The following BRINP1 variants were observed in gnomAD, a reference collection of about 807,000 sequenced individuals.
BRINP1 encodes the protein BMP/retinoic acid inducible neural specific 1, also known as BMP/retinoic acid-inducible neural-specific protein 1.
In BRINP1, 17 loss-of-function variants were observed where a neutral mutation model predicts 72.9. That is an observed-to-expected ratio of 0.23 (90% CI 0.16 to 0.35). The LOEUF (loss-of-function observed/expected upper bound fraction) is 0.35, where lower values mean the gene tolerates loss of function less well. Among genes scored for constraint, BRINP1 ranks in the 10% least tolerant of loss-of-function variants. The probability of loss-of-function intolerance (pLI) is 1.00; values close to 1 mark genes in which losing one functional copy is unlikely to be tolerated. For synonymous variants in BRINP1, 418 were observed against 378.5 expected (o/e 1.10, Z -1.21); for missense variants, 850 against 1,001.6 (o/e 0.85, Z 2.04).
At chr9:119,345,796 C>G (rs1280209657) in intron 1 of BRINP1, among the ~76,000 whole-genome samples, 1 of 152,210 alleles carries the variant, frequency 6.6e-6, no homozygotes, top group Non-Finnish European at 1.5e-5. Context: ...TGAGAGTTAA[C>G]AACCACTGAG....
At chr9:119,247,860 T>C (rs1830340225) in intron 3 of BRINP1, among the ~76,000 whole-genome samples, 1 of 152,176 alleles carries the variant, frequency 6.6e-6, no homozygotes, top group Admixed American at 6.5e-5. Context: ...CAATGTACAA[T>C]GTCTGCTATA....
intron 5 of BRINP1, among the ~76,000 whole-genome samples, chr9:119,232,002 T>A (rs1830152642): frequency 6.6e-6 from 1 of 152,158 alleles, no homozygotes; most frequent in African/African-American, 2.4e-5. Flanking sequence ...CATCTACATT[T>A]GGATATCGAA....
intron 3 of BRINP1, among the ~76,000 whole-genome samples, chr9:119,242,699 T>C (rs1024393538): frequency 3.9e-5 from 6 of 152,172 alleles, no homozygotes; most frequent in African/African-American, 1.2e-4. Context: ...CTTTTCTTAA[T>C]AGATAAATGA....
At chr9:119,281,047 G>T (rs1830705961) in intron 2 of BRINP1, among the ~76,000 whole-genome samples, 1 of 152,144 alleles carries the variant, frequency 6.6e-6, no homozygotes, top group Non-Finnish European at 1.5e-5. Flanking sequence ...AGATGCTGGA[G>T]TTAATCAGGG....
intron 2 of BRINP1, among the ~76,000 whole-genome samples, chr9:119,264,677 G>GT (rs1168500662): frequency 1.3e-5 from 2 of 152,028 alleles, no homozygotes; most frequent in East Asian, 1.9e-4. Context: ...TAGCCCTGAT[G>GT]TTTTTTTGTT....
chr9:119,304,906 G>A (rs1587954470), intron 2 of BRINP1, among the ~76,000 whole-genome samples: 1 of 152,190 alleles, frequency 6.6e-6, no homozygotes, highest in East Asian at 1.9e-4. Flanking sequence ...TGCTGCCCAA[G>A]CAATTCTAAC....
At chr9:119,330,625 C>A (rs1386570497) in intron 1 of BRINP1, among the ~76,000 whole-genome samples, 5 of 152,132 alleles carry the variant, frequency 3.3e-5, no homozygotes, top group African/African-American at 7.2e-5. Flanking sequence ...AAAGGTAAGG[C>A]CCAGGTTCTA....
chr9:119,312,885 T>C (rs1439754260), intron 2 of BRINP1, among the ~76,000 whole-genome samples: 1 of 152,176 alleles, frequency 6.6e-6, no homozygotes, highest in Admixed American at 6.5e-5. Context: ...AATGAGATAA[T>C]ATATAATACG....
intron 2 of BRINP1, among the ~76,000 whole-genome samples, chr9:119,282,474 T>C (rs555925922): frequency 6.6e-6 from 1 of 151,760 alleles, no homozygotes; most frequent in African/African-American, 2.4e-5. Flanking sequence ...TGACATCCAG[T>C]GATGAAAGGA....
At chr9:119,319,057 C>T (rs1012331675) in intron 1 of BRINP1, among the ~76,000 whole-genome samples, 3 of 152,128 alleles carry the variant, frequency 2.0e-5, no homozygotes, top group Non-Finnish European at 2.9e-5. Flanking sequence ...TGCTAAACAT[C>T]TTACACTGCA....
chr9:119,264,703 G>A (rs184792797), intron 2 of BRINP1, among the ~76,000 whole-genome samples: 138 of 152,126 alleles, frequency 9.1e-4, no homozygotes, highest in African/African-American at 2.7e-3. Context: ...ACAGAGTGTC[G>A]CTCATCACCC....
At chr9:119,192,831 A>G (rs1829696096) in intron 7 of BRINP1, among the ~76,000 whole-genome samples, 1 of 152,138 alleles carries the variant, frequency 6.6e-6, no homozygotes, top group South Asian at 2.1e-4. Flanking sequence ...AATAGCCAAG[A>G]TAAGGGAAGA....
Position 119,275,897 on chromosome 9 carries a change from G to A in BRINP1, c.219-26747C>T, listed in dbSNP as rs142775540. ...GAGAACCCCCAAATAGCAGTAAAGA[G>A]CGAAATCCTCCCTCTGTCCTCCCCA... On this transcript the variant is annotated intron_variant, in intron 2 of 7. Coordinates refer to ENST00000265922, the MANE Select transcript of BRINP1 (RefSeq NM_014618.3). Among the ~76,000 whole-genome samples, 340 of 152,162 alleles carry A rather than the reference G, an allele frequency of 2.2e-3. 4 individuals are homozygous for A. The highest frequency in any genetic ancestry group is 7.9e-3 in the African/African-American group (327 of 41,516).
At chr9:119,217,711 A>G (rs909253909) in intron 5 of BRINP1, among the ~76,000 whole-genome samples, 2 of 152,040 alleles carry the variant, frequency 1.3e-5, no homozygotes, top group African/African-American at 2.4e-5. Flanking sequence ...TGTAGCTTGT[A>G]TACAGTCTTT....
intron 7 of BRINP1, among the ~76,000 whole-genome samples, chr9:119,201,330 G>A (rs1301063966): frequency 6.6e-6 from 1 of 152,148 alleles, no homozygotes; most frequent in Admixed American, 6.5e-5. Flanking sequence ...TCTACCAATA[G>A]TCTTGAATTG....
intron 1 of BRINP1, among the ~76,000 whole-genome samples, chr9:119,316,845 T>A (rs1831129959): frequency 6.6e-6 from 1 of 152,094 alleles, no homozygotes; most frequent in Non-Finnish European, 1.5e-5. Context: ...TGATTTTGAC[T>A]TTCAAGTCTT....
At chr9:119,319,209 G>A (rs570861152) in intron 1 of BRINP1, among the ~76,000 whole-genome samples, 5 of 152,218 alleles carry the variant, frequency 3.3e-5, no homozygotes, top group South Asian at 4.2e-4. Context: ...TCTAGCTCTC[G>A]GTTAAGAGTT....
At chr9:119,171,484 A>G (rs1412283970) in intron 7 of BRINP1, among the ~76,000 whole-genome samples, 2 of 150,774 alleles carry the variant, frequency 1.3e-5, no homozygotes, top group Non-Finnish European at 3.0e-5. Flanking sequence ...TCATAAAGCA[A>G]GTCCCGAGTG....
chr9:119,169,610 G>A (rs1440341191), intron 7 of BRINP1, among the ~76,000 whole-genome samples: 1 of 152,242 alleles, frequency 6.6e-6, no homozygotes, highest in Non-Finnish European at 1.5e-5. Flanking sequence ...CGGGAAGCTC[G>A]AACTGGGTGG....
Sources: gnomAD v4.1 joint callset for allele counts (sites outside exome capture counted in the v4.1 genomes callset) on GRCh38, gnomAD v4.1.1 for gene constraint, MANE v1.5 for transcripts, NCBI Gene and HGNC (gene_info 2026-07-23, HGNC 2026-07-21) for gene names.